Variants in PDE4B observed in about 807,000 individuals in gnomAD.
PDE4B encodes 3',5'-cyclic-AMP phosphodiesterase 4B.
In PDE4B, 20 loss-of-function variants were observed where a neutral mutation model predicts 82.2. The observed-to-expected ratio is 0.24, with a 90% CI of 0.17 to 0.35. The LOEUF (loss-of-function observed/expected upper bound fraction) is 0.35, where lower values mean the gene tolerates loss of function less well. PDE4B is among the 10% of genes least tolerant of loss of function. The probability of loss-of-function intolerance (pLI) is 1.00; values close to 1 mark genes in which losing one functional copy is unlikely to be tolerated. For missense variants in PDE4B, 655 were observed against 907.2 expected (o/e 0.72, Z 3.57); for synonymous variants, 320 against 318.9 (o/e 1.00, Z -0.04).
intron 1 of PDE4B, among the ~76,000 whole-genome samples, chr1:65,820,717 G>A (rs1645942299): frequency 6.6e-6 from 1 of 152,176 alleles, no homozygotes; most frequent in South Asian, 2.1e-4. Context: ...ACAAAGTAGA[G>A]ATATGGTATT....
chr1:65,853,410 A>G (rs1646353513), intron 1 of PDE4B, among the ~76,000 whole-genome samples: 1 of 151,212 alleles, frequency 6.6e-6, no homozygotes, highest in Admixed American at 6.6e-5. Flanking sequence ...AATCTACCAT[A>G]TTTCTATTAA....
chr1:66,105,984 G>A (rs543296638), intron 3 of PDE4B, among the ~76,000 whole-genome samples: 3 of 152,098 alleles, frequency 2.0e-5, no homozygotes, highest in East Asian at 3.8e-4. Context: ...ATGTTGAATA[G>A]GAGTGGTGAG....
At chr1:66,110,379 A>G (rs925727942) in intron 3 of PDE4B, among the ~76,000 whole-genome samples, 6 of 151,978 alleles carry the variant, frequency 3.9e-5, no homozygotes, top group African/African-American at 1.4e-4. Flanking sequence ...ATATATACCT[A>G]GTTGCAGGTG....
intron 8 of PDE4B, among the ~76,000 whole-genome samples, chr1:66,335,443 C>T (rs182318810): frequency 2.0e-4 from 30 of 152,308 alleles, no homozygotes; most frequent in Non-Finnish European, 2.6e-4. Context: ...ATCTTTACTT[C>T]ATCTAGGTAG....
intron 3 of PDE4B, among the ~76,000 whole-genome samples, chr1:65,923,060 C>CA: frequency 6.6e-6 from 1 of 151,534 alleles, no homozygotes; most frequent in East Asian, 1.9e-4. Flanking sequence ...AACTGAAGTT[C>CA]AAAAAATGAA....
At chr1:66,249,387 G>T (rs1653576215) in intron 4 of PDE4B, among the ~76,000 whole-genome samples, 1 of 152,176 alleles carries the variant, frequency 6.6e-6, no homozygotes, top group Non-Finnish European at 1.5e-5. Context: ...CCCTGGCTAA[G>T]AGCTCTCCAG....
intron 1 of PDE4B, among the ~76,000 whole-genome samples, chr1:65,876,716 T>C (rs1646648342): frequency 6.6e-6 from 1 of 152,202 alleles, no homozygotes; most frequent in African/African-American, 2.4e-5. Flanking sequence ...CTTATAATCA[T>C]ACAATATGAA....
At chr1:66,150,361 A>C (rs2485383) in intron 3 of PDE4B, among the ~76,000 whole-genome samples, 102,682 of 152,024 alleles carry the variant, frequency 0.68, 35,041 homozygotes, top group Middle Eastern at 0.7. Flanking sequence ...TATGGAAATA[A>C]AATTGATTTT....
At chr1:66,228,566 G>GTGAGC (rs1442362235) in intron 3 of PDE4B, among the ~76,000 whole-genome samples, 8 of 151,570 alleles carry the variant, frequency 5.3e-5, no homozygotes, top group Admixed American at 5.3e-4. Flanking sequence ...GGAGCTTGCA[G>GTGAGC]TGAGCTGAGC....
At chr1:66,139,741 A>C (rs914426287) in intron 3 of PDE4B, among the ~76,000 whole-genome samples, 5 of 147,302 alleles carry the variant, frequency 3.4e-5, no homozygotes, top group Non-Finnish European at 7.5e-5. Context: ...CCCTCAAAAA[A>C]AAAAAAAAAA....
Position 66,374,475 on chromosome 1 carries a change from T to C in PDE4B, c.*1797T>C, listed in dbSNP as rs1246660106. The C allele has an allele frequency of 2.6e-5, 4 of 152,674 alleles. No individual in the cohort carries two copies. The highest frequency in any genetic ancestry group is 5.9e-5 in the Non-Finnish European group (4 of 68,040). 9.5% of individuals were successfully genotyped at this position (152,674 alleles called of 1,614,324 possible). ...AGGTGGACATTTTATCATTTTCAAA[T>C]GTTTCTCACAATGTATGTTATAGTA... is the stretch of plus-strand genomic sequence containing the variant. On this transcript the variant is annotated 3_prime_UTR_variant, in exon 17 of 17. Transcript: ENST00000341517.
At chr1:66,038,693 G>A (rs10889593) in intron 3 of PDE4B, among the ~76,000 whole-genome samples, 12,473 of 152,024 alleles carry the variant, frequency 0.082, 960 homozygotes, top group East Asian at 0.25. Context: ...TTGTAAATAG[G>A]CTCTTGAACA....
intron 3 of PDE4B, among the ~76,000 whole-genome samples, chr1:66,216,140 G>A (rs1011211192): frequency 1.3e-5 from 2 of 151,618 alleles, no homozygotes; most frequent in Admixed American, 6.6e-5. Context: ...GGGTGTGTCG[G>A]TGAGGGTATT....
At chr1:65,978,025 ATTTT>A (rs5774781) in intron 3 of PDE4B, among the ~76,000 whole-genome samples, 2 of 104,756 alleles carry the variant, frequency 1.9e-5, no homozygotes, top group African/African-American at 3.5e-5. Context: ...TTAATTTTTA[ATTTT>A]TTTTTTTTTT....
chr1:66,089,575 T>C (rs1240078542), intron 3 of PDE4B, among the ~76,000 whole-genome samples: 1 of 152,060 alleles, frequency 6.6e-6, no homozygotes, highest in Non-Finnish European at 1.5e-5. Context: ...CCCCATCTTG[T>C]TTCTGAGGAT....
chr1:66,204,866 G>C (rs1649413744), intron 3 of PDE4B, among the ~76,000 whole-genome samples: 1 of 152,196 alleles, frequency 6.6e-6, no homozygotes, highest in African/African-American at 2.4e-5. Context: ...TGCACCCACT[G>C]TCTGGCACTC....
intron 3 of PDE4B, among the ~76,000 whole-genome samples, chr1:66,175,038 C>A (rs1214107400): frequency 6.6e-6 from 1 of 152,130 alleles, no homozygotes; most frequent in Non-Finnish European, 1.5e-5. Context: ...GAACCTGCCC[C>A]TATGATCCAA....
At position 66,257,770 on chromosome 1, in the gene PDE4B, C is replaced by T. The variant is rs1321176; in HGVS notation, c.514-23C>T. 0.019 allele frequency: 30,529 copies of T among 1,610,302 alleles called. 4,267 individuals are homozygous for T. The African/African-American group carries it at 0.33, about 17-fold the overall frequency. On this transcript the variant is annotated intron_variant, in intron 5 of 16. Transcript: ENST00000341517. ...CCATTTGTCTTCTTTTGTCCTTAAC[C>T]GTTTAAAACATTTTTCTTCTAGGTC...
At chr1:66,182,711 C>G (rs550734706) in intron 3 of PDE4B, among the ~76,000 whole-genome samples, 1 of 152,102 alleles carries the variant, frequency 6.6e-6, no homozygotes, top group Non-Finnish European at 1.5e-5. Context: ...GCCCCATTGA[C>G]GTCATTGGGA....
Sources: gnomAD v4.1 joint callset for allele counts (sites outside exome capture counted in the v4.1 genomes callset) on GRCh38, gnomAD v4.1.1 for gene constraint, MANE v1.5 for transcripts, NCBI Gene and HGNC (gene_info 2026-07-23, HGNC 2026-07-21) for gene names.